Variants in GRB14 observed in about 807,000 individuals in gnomAD.
GRB14 encodes growth factor receptor-bound protein 14.
Under a neutral mutation model 69.1 loss-of-function variants are expected in GRB14, and 38 were observed. The observed-to-expected ratio is 0.55, with a 90% CI of 0.42 to 0.72. GRB14 has a LOEUF of 0.72. Ranked by LOEUF, GRB14 falls within the 30% of genes least tolerant of loss-of-function variation. GRB14 has a pLI of 0.00. For synonymous variants in GRB14, 247 were observed against 241.3 expected (o/e 1.02, Z -0.22); for missense variants, 666 against 666.1 (o/e 1.00, Z 0.00).
intron 4 of GRB14, 87 bp downstream of exon 4, chr2:164,526,927 G>T: frequency 2.3e-6 from 2 of 882,280 alleles, no homozygotes; most frequent in Non-Finnish European, 3.3e-6. Context: ...GAATAGGACT[G>T]TATTTTATTT....
chr2:164,551,390 C>A (rs1353943610), intron 2 of GRB14, among the ~76,000 whole-genome samples: 2 of 152,138 alleles, frequency 1.3e-5, no homozygotes, highest in Non-Finnish European at 2.9e-5. Context: ...GGGGCCCACA[C>A]AGAGTAAGTC....
At chr2:164,583,380 G>A (rs1689459960) in intron 2 of GRB14, among the ~76,000 whole-genome samples, 1 of 152,156 alleles carries the variant, frequency 6.6e-6, no homozygotes. Context: ...TTAGGGGGGA[G>A]GTAGAACAGT....
At chr2:164,527,187 A>G in intron 3 of GRB14, 52 bp from the exon 4 acceptor site, 1 of 41,744 alleles carries the variant, frequency 2.4e-5, no homozygotes. Flanking sequence ...ATATATATAT[A>G]TATATATATA....
At chr2:164,536,019 C>T (rs1234238827) in intron 3 of GRB14, among the ~76,000 whole-genome samples, 1 of 152,144 alleles carries the variant, frequency 6.6e-6, no homozygotes, top group Non-Finnish European at 1.5e-5. Flanking sequence ...AGACAGCTTC[C>T]ATTAATTCGA....
rs140320351 is a variant in GRB14, at chr2:164,581,215, T to C, written c.325-33399A>G. 8.4e-3 allele frequency among the ~76,000 whole-genome samples: 1,278 copies of C among 152,310 alleles called. 9 individuals are homozygous for C. The highest frequency in any genetic ancestry group is 0.011 in the Non-Finnish European group (780 of 68,028). On this transcript the variant is annotated intron_variant, in intron 2 of 13. Coordinates refer to ENST00000263915, the MANE Select transcript of GRB14 (RefSeq NM_004490.3). Reference sequence around the variant, plus strand: ...ACTGTGCTTGGTCTTTGTAGGAAGCTGAATAATTCCCCCGCCTTCACCCCA... The same window carrying C: ...ACTGTGCTTGGTCTTTGTAGGAAGCCGAATAATTCCCCCGCCTTCACCCCA...
At chr2:164,537,598 C>T in intron 3 of GRB14, among the ~76,000 whole-genome samples, 1 of 152,070 alleles carries the variant, frequency 6.6e-6, no homozygotes, top group East Asian at 1.9e-4. Context: ...TTGGTACTAC[C>T]AGAGGCAGGA....
intron 6 of GRB14, among the ~76,000 whole-genome samples, chr2:164,510,946 G>A (rs1687323625): frequency 6.6e-6 from 1 of 152,204 alleles, no homozygotes; most frequent in Non-Finnish European, 1.5e-5. Context: ...GTGTACTTGG[G>A]AGAGGGAGAG....
Position 164,558,224 on chromosome 2 carries a change from G to A in GRB14, c.325-10408C>T, listed in dbSNP as rs76108387. Among the ~76,000 whole-genome samples the A allele has an allele frequency of 1.0e-3, 157 of 152,084 alleles. 1 individual carries two copies. The highest frequency in any genetic ancestry group is 3.7e-3 in the African/African-American group (152 of 41,462). On this transcript the variant is annotated intron_variant, in intron 2 of 13. Coordinates refer to ENST00000263915, the MANE Select transcript of GRB14 (RefSeq NM_004490.3). ...GAGCCATGAAGAGTACTCATTCTTT[G>A]GGCCTCCTTTCTTCCTATTAGGTAG...
chr2:164,524,649 C>G (rs1417750618), intron 5 of GRB14, among the ~76,000 whole-genome samples: 1 of 151,980 alleles, frequency 6.6e-6, no homozygotes, highest in Admixed American at 6.6e-5. Flanking sequence ...TACTGAGTAT[C>G]TATTGGTAAG....
intron 2 of GRB14, among the ~76,000 whole-genome samples, chr2:164,592,045 T>C (rs1328356060): frequency 6.6e-6 from 1 of 152,164 alleles, no homozygotes; most frequent in Admixed American, 6.5e-5. Context: ...CCTTCCACCA[T>C]GATTGCGAGG....
At chr2:164,505,672 ATGTG>A (rs982719704) in intron 8 of GRB14, among the ~76,000 whole-genome samples, 2 of 152,134 alleles carry the variant, frequency 1.3e-5, no homozygotes, top group African/African-American at 4.8e-5. Context: ...ATGCATATAT[ATGTG>A]TATGTGTAAA....
intron 2 of GRB14, among the ~76,000 whole-genome samples, chr2:164,600,419 T>C (rs1474147021): frequency 6.6e-6 from 1 of 152,156 alleles, no homozygotes; most frequent in Non-Finnish European, 1.5e-5. Flanking sequence ...GAGTAATAGC[T>C]CCTCCTGTAT....
At chr2:164,530,887 G>A (rs1687916239) in intron 3 of GRB14, among the ~76,000 whole-genome samples, 1 of 152,202 alleles carries the variant, frequency 6.6e-6, no homozygotes, top group South Asian at 2.1e-4. Flanking sequence ...GGATCACACT[G>A]TGGAGCAGAA....
chr2:164,508,503 T>C lies in GRB14; in HGVS notation c.975A>G (p.Glu325=), dbSNP rs1687251019. The C allele has an allele frequency of 6.2e-6, 10 of 1,614,022 alleles. No homozygotes were observed. Among genetic ancestry groups the C allele is most frequent in the African/African-American group, 1.3e-5 (1 of 74,948 alleles). ...GPRDLKMLCA[E]EEQSRTCWVT... The stretch of plus-strand genomic sequence containing the variant: ...CCCAGCACGTCCTACTCTGCTCTTC[T>C]TCTGCACAGAGCATTTTCAGGTCTC... The change falls in exon 8 of 14, where the codon GAA becomes GAG. Residue 325 remains glutamate (E), a synonymous_variant. Transcript: ENST00000263915.
At chr2:164,503,441 GCAAAAAAAAA>G (rs1687114980) in intron 8 of GRB14, among the ~76,000 whole-genome samples, 1 of 57,552 alleles carries the variant, frequency 1.7e-5, no homozygotes, top group African/African-American at 9.5e-5. Flanking sequence ...TGGTAATTAG[GCAAAAAAAAA>G]AAAAAAAAAA....
At chr2:164,556,500 C>T (rs895486380) in intron 2 of GRB14, among the ~76,000 whole-genome samples, 1 of 152,122 alleles carries the variant, frequency 6.6e-6, no homozygotes, top group Non-Finnish European at 1.5e-5. Context: ...TCCTTGTACC[C>T]CCTTTCACTT....
chr2:164,578,466 T>G (rs2105335762), intron 2 of GRB14, among the ~76,000 whole-genome samples: 1 of 144,710 alleles, frequency 6.9e-6, no homozygotes, highest in African/African-American at 2.5e-5. Context: ...ATGAAAAGTT[T>G]AAAAAAACCC....
At chr2:164,597,768 A>G (rs577657810) in intron 2 of GRB14, among the ~76,000 whole-genome samples, 1 of 152,106 alleles carries the variant, frequency 6.6e-6, no homozygotes, top group East Asian at 1.9e-4. Context: ...AAGGAAAGAG[A>G]AGCAAAAAAT....
chr2:164,582,670 C>T (rs562936208), intron 2 of GRB14, among the ~76,000 whole-genome samples: 2 of 152,232 alleles, frequency 1.3e-5, no homozygotes, highest in South Asian at 2.1e-4. Context: ...CCACTCGCCT[C>T]GGCCTCCCAA....
Sources: allele counts gnomAD v4.1 joint callset (sites outside exome capture counted in the v4.1 genomes callset), GRCh38; gene constraint gnomAD v4.1.1; transcripts MANE v1.5; gene names NCBI Gene and HGNC (gene_info 2026-07-23, HGNC 2026-07-21).